Variants in SLC41A2 observed in about 807,000 individuals in gnomAD.
The protein encoded by SLC41A2 is solute carrier family 41 member 2.
A neutral mutation model predicts 58.3 loss-of-function variants in SLC41A2; 32 were observed. The ratio of observed to expected loss-of-function variants is 0.55; its 90% confidence interval spans 0.41 to 0.74. SLC41A2 has a LOEUF of 0.74. Among genes scored for constraint, SLC41A2 ranks in the 30% least tolerant of loss-of-function variants. The pLI, the probability that SLC41A2 is intolerant of heterozygous loss-of-function variation, is 0.00. For missense variants in SLC41A2, 514 were observed against 680.6 expected (o/e 0.76, Z 2.72); for synonymous variants, 190 against 235.0 (o/e 0.81, Z 1.75).
intron 1 of SLC41A2, among the ~76,000 whole-genome samples, chr12:104,935,395 T>G (rs55643207): frequency 0.49 from 74,757 of 151,744 alleles, 18,814 homozygotes; most frequent in Middle Eastern, 0.56. Flanking sequence ...GTGATGTATA[T>G]GTTAGTTATC....
chr12:104,892,449 T>G (rs1181482378), intron 4 of SLC41A2, among the ~76,000 whole-genome samples: 2 of 151,910 alleles, frequency 1.3e-5, no homozygotes, highest in African/African-American at 2.4e-5. Flanking sequence ...AATCTACAGA[T>G]TCAATGTAAT....
At chr12:104,882,711 T>G (rs2044443720) in intron 6 of SLC41A2, among the ~76,000 whole-genome samples, 2 of 151,684 alleles carry the variant, frequency 1.3e-5, no homozygotes, top group Non-Finnish European at 2.9e-5. Context: ...TGGGCTTCCC[T>G]TTGTGGGTAA....
intron 1 of SLC41A2, among the ~76,000 whole-genome samples, chr12:104,929,247 G>A (rs532327909): frequency 6.6e-6 from 1 of 152,140 alleles, no homozygotes; most frequent in Non-Finnish European, 1.5e-5. Flanking sequence ...ACTATATAGG[G>A]CATTTATTTC....
At chr12:104,837,764 T>C (rs1237436076) in intron 10 of SLC41A2, among the ~76,000 whole-genome samples, 1 of 152,152 alleles carries the variant, frequency 6.6e-6, no homozygotes, top group Non-Finnish European at 1.5e-5. Flanking sequence ...ACAATAAGCA[T>C]GATAAACTGC....
chr12:104,870,887 T>C (rs11112218), intron 6 of SLC41A2, among the ~76,000 whole-genome samples: 26,661 of 152,086 alleles, frequency 0.18, 4,042 homozygotes, highest in African/African-American at 0.4. Flanking sequence ...CCTTAATAAT[T>C]GATCTAAATT....
At chr12:104,923,382 A>G (rs2046693021) in intron 2 of SLC41A2, among the ~76,000 whole-genome samples, 1 of 149,754 alleles carries the variant, frequency 6.7e-6, no homozygotes, top group Non-Finnish European at 1.5e-5. Context: ...AAAAAAATAG[A>G]AAGACTTCAA....
chr12:104,878,299 T>TTATATATATATATATA (rs55670022), intron 6 of SLC41A2, among the ~76,000 whole-genome samples: 92 of 139,914 alleles, frequency 6.6e-4, no homozygotes, highest in East Asian at 1.8e-3. Context: ...TACCTGTATT[T>TTATATATATATATATA]TATATATATA....
rs1272873332 is a variant in SLC41A2, at chr12:104,892,328, A to AAAAAAAC, written c.735+2945_735+2946insGTTTTTT. On this transcript the variant is annotated intron_variant, in intron 4 of 10. Transcript: ENST00000258538. ...AAATAAAATAAAATAAAATAAAATA[A>AAAAAAAC]AATAAAATATTGATGCAAGAAATTG... 9.1e-4 allele frequency among the ~76,000 whole-genome samples: 116 copies of AAAAAAAC among 126,866 alleles called. 5 individuals are homozygous for AAAAAAAC. The highest frequency in any genetic ancestry group is 3.4e-3 in the East Asian group (10 of 2,910). 83.2% of individuals were successfully genotyped at this position (126,866 alleles called of 152,430 possible).
At chr12:104,920,348 G>A (rs2046535265) in intron 2 of SLC41A2, among the ~76,000 whole-genome samples, 1 of 151,750 alleles carries the variant, frequency 6.6e-6, no homozygotes, top group Non-Finnish European at 1.5e-5. Context: ...AATTTAAAAG[G>A]GAATTCTGTT....
intron 6 of SLC41A2, among the ~76,000 whole-genome samples, chr12:104,867,831 TTGAC>T (rs2043548619): frequency 1.3e-5 from 2 of 151,462 alleles, no homozygotes; most frequent in Admixed American, 1.3e-4. Context: ...ACTCTTATCT[TTGAC>T]TGAATTTTCT....
chr12:104,897,963 G>C (rs1026987413), intron 3 of SLC41A2, among the ~76,000 whole-genome samples: 4 of 152,102 alleles, frequency 2.6e-5, no homozygotes, highest in Non-Finnish European at 5.9e-5. Context: ...TCTGTGTAAA[G>C]GCCTTTGCTA....
intron 10 of SLC41A2, among the ~76,000 whole-genome samples, chr12:104,818,117 A>G (rs2041486762): frequency 1.3e-5 from 2 of 152,200 alleles, no homozygotes; most frequent in South Asian, 2.1e-4. Context: ...TTATTTGTCA[A>G]TTTAAAAATA....
At chr12:104,905,903 T>C (rs1458415453) in intron 3 of SLC41A2, among the ~76,000 whole-genome samples, 1 of 152,124 alleles carries the variant, frequency 6.6e-6, no homozygotes, top group Non-Finnish European at 1.5e-5. Flanking sequence ...TCCCTCCACA[T>C]CTCCCTGCAA....
At position 104,909,699 on chromosome 12, in the gene SLC41A2, T is replaced by C. The variant is rs1263599317; in HGVS notation, c.619A>G (p.Lys207Glu). ...GCCAATGTCATTTCCAAGTTCCCTT[T>C]GAGACCAAGAAGTGCAGGGACTAAA... Reference protein sequence around the residue: ...FILVPALLGLKGNLEMTLASR... With the variant: ...FILVPALLGLEGNLEMTLASR... The change falls in exon 3 of 11, where the codon AAA (lysine) becomes GAA (glutamate). Residue 207 changes from lysine to glutamate, a missense_variant. Coordinates refer to ENST00000258538, the MANE Select transcript of SLC41A2 (RefSeq NM_001352171.3). The C allele has an allele frequency of 1.2e-6, 2 of 1,612,022 alleles. No individual in the cohort carries two copies. The highest frequency in any genetic ancestry group is 2.2e-5 in the South Asian group (2 of 90,652).
At chr12:104,946,259 T>G (rs2135963560) in intron 1 of SLC41A2, among the ~76,000 whole-genome samples, 1 of 152,200 alleles carries the variant, frequency 6.6e-6, no homozygotes, top group South Asian at 2.1e-4. Flanking sequence ...AATCAGGCAC[T>G]TTCTTTTTCT....
intron 1 of SLC41A2, among the ~76,000 whole-genome samples, chr12:104,944,626 G>A (rs2047640250): frequency 6.6e-6 from 1 of 152,146 alleles, no homozygotes; most frequent in African/African-American, 2.4e-5. Flanking sequence ...CAGTTTGTGA[G>A]TTTGTCTGTT....
At chr12:104,827,485 G>A (rs12310726) in intron 10 of SLC41A2, among the ~76,000 whole-genome samples, 14,102 of 152,140 alleles carry the variant, frequency 0.093, 1,121 homozygotes, top group East Asian at 0.21. Context: ...AAGTTTATCC[G>A]CTCCCATATA....
intron 2 of SLC41A2, among the ~76,000 whole-genome samples, chr12:104,923,054 A>G (rs2046666831): frequency 6.6e-6 from 1 of 151,742 alleles, no homozygotes. Flanking sequence ...AAAGTTTATA[A>G]CAATAAATAC....
intron 3 of SLC41A2, among the ~76,000 whole-genome samples, chr12:104,904,274 G>T (rs1407342433): frequency 6.6e-6 from 1 of 152,158 alleles, no homozygotes; most frequent in Non-Finnish European, 1.5e-5. Context: ...GCTTAACTAT[G>T]TTTATCAGAG....
Sources: gnomAD v4.1 joint callset for allele counts (sites outside exome capture counted in the v4.1 genomes callset) on GRCh38, gnomAD v4.1.1 for gene constraint, MANE v1.5 for transcripts, NCBI Gene and HGNC (gene_info 2026-07-23, HGNC 2026-07-21) for gene names.